The following KCNMB4 variants were observed in gnomAD, a reference collection of about 807,000 sequenced individuals.
The protein encoded by KCNMB4 is calcium-activated potassium channel subunit beta-4.
In KCNMB4, 3 loss-of-function variants were observed where a neutral mutation model predicts 20.7. That is an observed-to-expected ratio of 0.14 (90% CI 0.07 to 0.37). The LOEUF is 0.37. Ranked by LOEUF, KCNMB4 falls within the 10% of genes least tolerant of loss-of-function variation. The pLI is 1.00. For synonymous variants in KCNMB4, 110 were observed against 113.4 expected (o/e 0.97, Z 0.19); for missense variants, 168 against 265.9 (o/e 0.63, Z 2.56).
At chr12:70,387,198 A>G (rs1390346498) in intron 1 of KCNMB4, among the ~76,000 whole-genome samples, 1 of 151,528 alleles carries the variant, frequency 6.6e-6, no homozygotes, top group Non-Finnish European at 1.5e-5. Flanking sequence ...AAAATGTATC[A>G]TTCCGACAGC....
At chr12:70,400,478 A>G (rs1868421909) in intron 2 of KCNMB4, 142 bp downstream of exon 2, 2 of 813,770 alleles carry the variant, frequency 2.5e-6, no homozygotes, top group African/African-American at 3.5e-5. Flanking sequence ...AAACCCATAT[A>G]ATGAATCTGC....
At chr12:70,416,434 A>G (rs911436423) in intron 2 of KCNMB4, among the ~76,000 whole-genome samples, 2 of 152,230 alleles carry the variant, frequency 1.3e-5, no homozygotes, top group African/African-American at 4.8e-5. Context: ...TGAATTTTGA[A>G]TATCACATGC....
At chr12:70,385,729 A>G (rs1441191723) in intron 1 of KCNMB4, among the ~76,000 whole-genome samples, 3 of 152,236 alleles carry the variant, frequency 2.0e-5, no homozygotes, top group African/African-American at 7.2e-5. Context: ...AGTTAAATGA[A>G]CTTCAAGTGA....
chr12:70,383,874 G>C (rs1883839414), intron 1 of KCNMB4, among the ~76,000 whole-genome samples: 1 of 152,170 alleles, frequency 6.6e-6, no homozygotes, highest in African/African-American at 2.4e-5. Context: ...TTTGAGACCA[G>C]CCTGGCCAAC....
At chr12:70,420,511 G>T (rs183681369) in intron 2 of KCNMB4, among the ~76,000 whole-genome samples, 117 of 152,216 alleles carry the variant, frequency 7.7e-4, no homozygotes, top group African/African-American at 2.6e-3. Context: ...AGGAAAGGAT[G>T]CTGGGAAAGG....
At chr12:70,370,926 A>T (rs1272559086) in intron 1 of KCNMB4, among the ~76,000 whole-genome samples, 27 of 152,004 alleles carry the variant, frequency 1.8e-4, no homozygotes, top group Admixed American at 1.8e-3. Context: ...GCATGATCTC[A>T]GCTCACTGCA....
At chr12:70,424,675 A>G (rs906786961) in intron 2 of KCNMB4, among the ~76,000 whole-genome samples, 1 of 149,008 alleles carries the variant, frequency 6.7e-6, no homozygotes, top group Non-Finnish European at 1.5e-5. Context: ...GCTTGAACCC[A>G]GGAGGCAGAG....
chr12:70,396,466 C>T (rs573752514), intron 1 of KCNMB4, among the ~76,000 whole-genome samples: 2 of 152,244 alleles, frequency 1.3e-5, no homozygotes, highest in Middle Eastern at 3.4e-3. Context: ...CCACCACGCC[C>T]TGCTAATTTT....
In KCNMB4 at chr12:70,366,862, C is replaced by T. The variant is rs1883503807; in HGVS notation, c.128C>T (p.Ala43Val). 1 of 1,613,214 alleles carries T rather than the reference C, an allele frequency of 6.2e-7. No homozygotes were observed. The highest frequency in any genetic ancestry group is 8.5e-7 in the Non-Finnish European group (1 of 1,179,936). The change falls in exon 1 of 3, where the codon GCG (alanine) becomes GTG (valine). Residue 43 changes from alanine (A) to valine (V), a missense_variant. Coordinates refer to ENST00000258111, the MANE Select transcript of KCNMB4 (RefSeq NM_014505.6). ...FIFGFCWLSP[A>V]LQDLQATEAN... is the part of the protein sequence containing the mutation. ...TTCGGCTTCTGCTGGCTGAGTCCCG[C>T]GCTGCAGGATCTGCAAGCCACGGAG...
intron 2 of KCNMB4, among the ~76,000 whole-genome samples, chr12:70,407,179 A>G (rs1868628317): frequency 6.6e-6 from 1 of 152,104 alleles, no homozygotes; most frequent in South Asian, 2.1e-4. Context: ...ATTTGCTAGA[A>G]TGGCTCACAG....
At chr12:70,418,152 C>T (rs1868958433) in intron 2 of KCNMB4, among the ~76,000 whole-genome samples, 1 of 152,106 alleles carries the variant, frequency 6.6e-6, no homozygotes, top group Non-Finnish European at 1.5e-5. Flanking sequence ...ACCTCATTTC[C>T]TTGAGAACCA....
intron 1 of KCNMB4, among the ~76,000 whole-genome samples, chr12:70,387,983 C>T (rs1868270771): frequency 6.6e-6 from 1 of 152,084 alleles, no homozygotes; most frequent in Non-Finnish European, 1.5e-5. Context: ...CCTCCACTAC[C>T]CTTCCTAGCT....
rs1378038465 is a variant in KCNMB4, at chr12:70,417,799, T to A, written c.465-12686T>A. Reference sequence around the variant, plus strand: ...AGTCTTTTCTTATTCCACTAACATTTACTGAGCTCTCACTTTGAGCTTAGC... The same window carrying A: ...AGTCTTTTCTTATTCCACTAACATTAACTGAGCTCTCACTTTGAGCTTAGC... On this transcript the variant is annotated intron_variant, in intron 2 of 2. Coordinates refer to ENST00000258111, the MANE Select transcript of KCNMB4 (RefSeq NM_014505.6). Among the ~76,000 whole-genome samples the A allele has an allele frequency of 2.0e-5, 3 of 152,292 alleles. No individual in the cohort carries two copies. The East Asian group carries it at 5.8e-4, about 29-fold the overall frequency.
intron 2 of KCNMB4, among the ~76,000 whole-genome samples, chr12:70,410,154 C>T (rs755529032): frequency 3.3e-5 from 5 of 152,142 alleles, no homozygotes; most frequent in South Asian, 2.1e-4. Flanking sequence ...TTTCTAGTGG[C>T]GTGGTCTTAG....
At chr12:70,417,790 A>G (rs1868948524) in intron 2 of KCNMB4, among the ~76,000 whole-genome samples, 1 of 152,016 alleles carries the variant, frequency 6.6e-6, no homozygotes, top group Non-Finnish European at 1.5e-5. Flanking sequence ...TTCTTATTCC[A>G]CTAACATTTA....
chr12:70,388,158 C>T (rs905150294), intron 1 of KCNMB4, among the ~76,000 whole-genome samples: 1 of 152,098 alleles, frequency 6.6e-6, no homozygotes, highest in African/African-American at 2.4e-5. Context: ...GATGGGATCT[C>T]ATTCTTTTTT....
chr12:70,421,858 G>A (rs919683043), intron 2 of KCNMB4, among the ~76,000 whole-genome samples: 2 of 151,140 alleles, frequency 1.3e-5, no homozygotes, highest in Non-Finnish European at 1.5e-5. Flanking sequence ...TGGGATTACA[G>A]GCGTGAGCCA....
chr12:70,430,768 T>C lies in KCNMB4; in HGVS notation c.*115T>C. 9.9e-7 allele frequency: 1 copy of C among 1,011,468 alleles called. No homozygotes were observed. 62.7% of individuals were successfully genotyped at this position (1,011,468 alleles called of 1,614,324 possible). On this transcript the variant is annotated 3_prime_UTR_variant, in exon 3 of 3. Transcript: ENST00000258111. Reference sequence around the variant, plus strand: ...GATGGACAGGGCCACGACAGGGCTCTGAGAGGCTCATCCCTCAGTGGCAAC... The same window carrying C: ...GATGGACAGGGCCACGACAGGGCTCCGAGAGGCTCATCCCTCAGTGGCAAC...
intron 1 of KCNMB4, among the ~76,000 whole-genome samples, chr12:70,398,708 A>C (rs934920425): frequency 6.6e-6 from 1 of 152,254 alleles, no homozygotes; most frequent in Non-Finnish European, 1.5e-5. Context: ...TCATTAACGA[A>C]TTCAACCAAC....
Sources: allele counts gnomAD v4.1 joint callset (sites outside exome capture counted in the v4.1 genomes callset), GRCh38; gene constraint gnomAD v4.1.1; transcripts MANE v1.5; gene names NCBI Gene and HGNC (gene_info 2026-07-23, HGNC 2026-07-21).